ETV6: variants seen among roughly 807,000 people sequenced by gnomAD.
ETV6 encodes the protein ETS variant transcription factor 6, also known as transcription factor ETV6.
ETV6 carries 16 observed loss-of-function variants against 51.1 expected under a neutral mutation model. That is an observed-to-expected ratio of 0.31 (90% CI 0.21 to 0.48). The LOEUF is 0.48. Among genes scored for constraint, ETV6 ranks in the 20% least tolerant of loss-of-function variants. The pLI is 0.99. For synonymous variants in ETV6, 240 were observed against 224.1 expected, an observed-to-expected ratio of 1.07 and a Z score of -0.64; for missense variants, 458 against 594.8, an observed-to-expected ratio of 0.77 and a Z score of 2.39.
intron 3 of ETV6, among the ~76,000 whole-genome samples, chr12:11,850,219 C>G (rs1946529895): frequency 6.6e-6 from 1 of 152,180 alleles, no homozygotes; most frequent in South Asian, 2.1e-4. Flanking sequence ...CTCCTGCACA[C>G]TCGGGAAGAA....
intron 1 of ETV6, among the ~76,000 whole-genome samples, chr12:11,732,879 A>G (rs962953746): frequency 4.6e-5 from 7 of 152,182 alleles, no homozygotes; most frequent in South Asian, 4.1e-4. Context: ...TAGACTTTCT[A>G]TTATCTTCCT....
intron 1 of ETV6, among the ~76,000 whole-genome samples, chr12:11,738,788 A>G (rs1865756814): frequency 6.6e-6 from 1 of 152,166 alleles, no homozygotes; most frequent in Admixed American, 6.5e-5. Context: ...TGAGGGGTGC[A>G]AATGATTCTT....
At chr12:11,719,294 C>T (rs953847704) in intron 1 of ETV6, among the ~76,000 whole-genome samples, 2 of 152,240 alleles carry the variant, frequency 1.3e-5, no homozygotes, top group African/African-American at 4.8e-5. Flanking sequence ...GAAATGTGGT[C>T]CTTGCCCCAA....
At chr12:11,781,184 G>C (rs1945407969) in intron 2 of ETV6, among the ~76,000 whole-genome samples, 1 of 152,168 alleles carries the variant, frequency 6.6e-6, no homozygotes, top group Non-Finnish European at 1.5e-5. Context: ...TTCTCATAAA[G>C]ATCGATGAGT....
At chr12:11,706,639 T>C (rs1800302205) in intron 1 of ETV6, among the ~76,000 whole-genome samples, 1 of 152,216 alleles carries the variant, frequency 6.6e-6, no homozygotes, top group African/African-American at 2.4e-5. Context: ...CACTGTTTTG[T>C]GAGCAGGACA....
At chr12:11,663,172 G>A (rs530860077) in intron 1 of ETV6, among the ~76,000 whole-genome samples, 4 of 152,354 alleles carry the variant, frequency 2.6e-5, no homozygotes, top group East Asian at 1.9e-4. Flanking sequence ...ATTGCAGTGC[G>A]TTGAACGATT....
At chr12:11,711,783 C>T (rs556122525) in intron 1 of ETV6, among the ~76,000 whole-genome samples, 1 of 152,334 alleles carries the variant, frequency 6.6e-6, no homozygotes, top group East Asian at 1.9e-4. Flanking sequence ...ATTTGTACGT[C>T]ATTTCCTTGC....
intron 3 of ETV6, among the ~76,000 whole-genome samples, chr12:11,841,587 G>C (rs542118404): frequency 6.6e-6 from 1 of 152,314 alleles, no homozygotes; most frequent in Admixed American, 6.5e-5. Context: ...AGATCAGTTA[G>C]GAGGTGGCAA....
At chr12:11,671,171 C>G (rs187733121) in intron 1 of ETV6, among the ~76,000 whole-genome samples, 1 of 152,308 alleles carries the variant, frequency 6.6e-6, no homozygotes, top group East Asian at 1.9e-4. Context: ...TAGCTTAAAA[C>G]TGCTGCTAGA....
Position 11,856,012 on chromosome 12 carries a change from T to G in ETV6, c.463+2451T>G, listed in dbSNP as rs183553293. On this transcript the variant is annotated intron_variant, in intron 4 of 7. Transcript: ENST00000396373. ...TGTCTCTTAGTCTTTCTCTCATTAT[T>G]TTTTTTGTTAATCTCATTTGGAATT... 2.1e-3 allele frequency among the ~76,000 whole-genome samples: 325 copies of G among 152,290 alleles called. 1 individual carries two copies. Among genetic ancestry groups the G allele is most frequent in the African/African-American group, 7.3e-3 (303 of 41,542 alleles).
chr12:11,808,019 A>G (rs79838267), intron 2 of ETV6, among the ~76,000 whole-genome samples: 269 of 152,330 alleles, frequency 1.8e-3, no homozygotes, highest in African/African-American at 6.4e-3. Context: ...ATCCACCCAT[A>G]AATCAATGAA....
chr12:11,830,614 T>A (rs1946228915), intron 2 of ETV6, among the ~76,000 whole-genome samples: 1 of 151,974 alleles, frequency 6.6e-6, no homozygotes, highest in African/African-American at 2.4e-5. Context: ...GGGGTGCCAA[T>A]CACAGACTGC....
chr12:11,719,395 C>T (rs1865340477), intron 1 of ETV6, among the ~76,000 whole-genome samples: 1 of 152,220 alleles, frequency 6.6e-6, no homozygotes, highest in African/African-American at 2.4e-5. Flanking sequence ...TTAGGTCTGT[C>T]ATGTGATAGA....
rs200486113 is a variant in ETV6, at chr12:11,789,852, A to AT, written c.163+37280dup. On this transcript the variant is annotated intron_variant, in intron 2 of 7. Transcript: ENST00000396373. ...TGTTGACTTATTGTTCCCTGGAAGC[A>AT]TTTTTTTATTCCCCAGATTCTGCAG... Among the ~76,000 whole-genome samples the AT allele has an allele frequency of 9.0e-3, 1,362 of 151,990 alleles. 28 individuals are homozygous for AT. Among genetic ancestry groups the AT allele is most frequent in the African/African-American group, 0.031 (1,289 of 41,440 alleles).
At chr12:11,681,027 G>T (rs1352632498) in intron 1 of ETV6, among the ~76,000 whole-genome samples, 1 of 152,170 alleles carries the variant, frequency 6.6e-6, no homozygotes, top group Non-Finnish European at 1.5e-5. Context: ...GACATTTTCT[G>T]GTGGCACAGA....
At chr12:11,770,017 A>G (rs1243976246) in intron 2 of ETV6, among the ~76,000 whole-genome samples, 5 of 152,160 alleles carry the variant, frequency 3.3e-5, no homozygotes, top group Non-Finnish European at 7.3e-5. Context: ...GGGCAAGATG[A>G]CTGACAGGTG....
rs1431474922 is a variant in ETV6, at chr12:11,843,283, AG to A, written c.328+3983del. 4.6e-5 allele frequency among the ~76,000 whole-genome samples: 7 copies of A among 152,350 alleles called. No individual in the cohort carries two copies. In the East Asian group the frequency reaches 1.3e-3, roughly 29 times the overall value. On this transcript the variant is annotated intron_variant, in intron 3 of 7. Coordinates refer to ENST00000396373, the MANE Select transcript of ETV6 (RefSeq NM_001987.5). ...AAGGCCACAGGCATCCTCCTTAGGC[AG>A]GGGCAAGATCTAGATTGAAAATCCT...
At position 11,894,940 on chromosome 12, in the gene ETV6, G is replaced by A. The variant is rs1947370241; in HGVS notation, c.*3894G>A. The A allele has an allele frequency of 4.3e-6, 1 of 233,552 alleles. No individual in the cohort carries two copies. Among genetic ancestry groups the A allele is most frequent in the African/African-American group, 2.2e-5 (1 of 45,350 alleles). The allele number at this position is 233,552 out of a possible 1,614,324, so 14.5% of individuals were successfully genotyped here. A position where few individuals can be genotyped will look rare whatever the true frequency, so the allele number is the denominator to read the frequency against. Reference sequence around the variant, plus strand: ...GCCCAAGCATTTGGTGCTAGTTAGAGGCTGTTCACTCTCTCCTGCTCCTCT... The same window carrying A: ...GCCCAAGCATTTGGTGCTAGTTAGAAGCTGTTCACTCTCTCCTGCTCCTCT... On this transcript the variant is annotated 3_prime_UTR_variant, in exon 8 of 8. Transcript: ENST00000396373.
intron 2 of ETV6, among the ~76,000 whole-genome samples, chr12:11,836,595 G>A (rs1442204525): frequency 6.6e-6 from 1 of 152,102 alleles, no homozygotes; most frequent in Non-Finnish European, 1.5e-5. Flanking sequence ...AGAGCTGTTT[G>A]GAGTGTGACT....
Sources: allele counts gnomAD v4.1 joint callset (sites outside exome capture counted in the v4.1 genomes callset), GRCh38; gene constraint gnomAD v4.1.1; transcripts MANE v1.5; gene names NCBI Gene and HGNC (gene_info 2026-07-23, HGNC 2026-07-21).